Variants in HP1BP3 observed in about 807,000 individuals in gnomAD.
The protein encoded by HP1BP3 is heterochromatin protein 1 binding protein 3, also known as heterochromatin protein 1-binding protein 3.
Under a neutral mutation model 62.5 loss-of-function variants are expected in HP1BP3, and 12 were observed. The ratio of observed to expected loss-of-function variants is 0.19; its 90% CI spans 0.12 to 0.31. HP1BP3 has a LOEUF of 0.31. Ranked by LOEUF, HP1BP3 falls within the 10% of genes least tolerant of loss-of-function variation. The probability of loss-of-function intolerance (pLI) is 1.00; values close to 1 mark genes in which losing one functional copy is unlikely to be tolerated. For missense variants in HP1BP3, 502 were observed against 651.8 expected, an observed-to-expected ratio of 0.77 and a Z score of 2.50; for synonymous variants, 260 against 237.8, an observed-to-expected ratio of 1.09 and a Z score of -0.86.
At chr1:20,778,642 GC>G (rs201275136) in intron 3 of HP1BP3, among the ~76,000 whole-genome samples, 5,410 of 152,220 alleles carry the variant, frequency 0.036, 307 homozygotes, top group African/African-American at 0.12. Context: ...TTTCTTAACT[GC>G]CTTAGGCCAG....
At chr1:20,761,247 A>G (rs1016799101) in intron 8 of HP1BP3, among the ~76,000 whole-genome samples, 6 of 152,046 alleles carry the variant, frequency 3.9e-5, no homozygotes, top group African/African-American at 1.4e-4. Flanking sequence ...GGGTTTCACC[A>G]TGTTGGCCAG....
rs1182667059 is a variant in HP1BP3 at position 20,765,235 on chromosome 1, C to A, written c.890+142G>T. ...ATATGAAAATAAAAACATAATGGGGCAAAAAAATAAAACCAATAAAAAAGA... is the reference window on the plus strand; with the variant it reads ...ATATGAAAATAAAAACATAATGGGGAAAAAAAATAAAACCAATAAAAAAGA... On this transcript the variant is annotated intron_variant, in intron 8 of 12. Coordinates refer to ENST00000438032, the MANE Select transcript of HP1BP3 (RefSeq NM_001372052.1). The A allele has an allele frequency of 1.1e-5, 5 of 446,000 alleles. No individual in the cohort carries two copies. The East Asian group carries it at 1.5e-4, about 13-fold the overall frequency. 27.6% of individuals were successfully genotyped at this position (446,000 alleles called of 1,614,324 possible).
At chr1:20,776,401 T>C (rs1461735855) in intron 4 of HP1BP3, 196 bp downstream of exon 4, 24 of 510,030 alleles carry the variant, frequency 4.7e-5, no homozygotes, top group Non-Finnish European at 7.8e-5. Context: ...CAAACCATTG[T>C]GTTCTGCTAA....
At chr1:20,754,843 T>C (rs1454417391) in intron 9 of HP1BP3, among the ~76,000 whole-genome samples, 2 of 152,208 alleles carry the variant, frequency 1.3e-5, no homozygotes, top group Non-Finnish European at 2.9e-5. Flanking sequence ...GACCTAAATG[T>C]AGGAGCCAAA....
chr1:20,776,195 T>C (rs1480168145), intron 4 of HP1BP3: 8 of 510,968 alleles, frequency 1.6e-5, no homozygotes, highest in Non-Finnish European at 2.6e-5. Flanking sequence ...CCTTCTAACA[T>C]AAGCACACAA....
chr1:20,785,493 CG>C (rs1456044959), intron 1 of HP1BP3, among the ~76,000 whole-genome samples: 3 of 152,202 alleles, frequency 2.0e-5, no homozygotes, highest in Non-Finnish European at 4.4e-5. Flanking sequence ...TCAGATTTAA[CG>C]AGTCATGTCA....
intron 5 of HP1BP3, 92 bp from the exon 6 acceptor site, chr1:20,771,165 T>C (rs1383210232): frequency 1.3e-5 from 14 of 1,084,644 alleles, no homozygotes; most frequent in Non-Finnish European, 1.7e-5. Flanking sequence ...GTGAATTTGA[T>C]GATAGATGAC....
intron 9 of HP1BP3, among the ~76,000 whole-genome samples, chr1:20,751,409 A>G (rs1388952903): frequency 6.6e-6 from 1 of 152,054 alleles, no homozygotes; most frequent in Non-Finnish European, 1.5e-5. Flanking sequence ...TGAGGAAAAT[A>G]GCAGTGAAAA....
At chr1:20,781,778 C>T (rs1345758955) in intron 1 of HP1BP3, among the ~76,000 whole-genome samples, 1 of 152,156 alleles carries the variant, frequency 6.6e-6, no homozygotes, top group Non-Finnish European at 1.5e-5. Flanking sequence ...AGGCATGCGC[C>T]ACCATGCCCA....
rs2055182662 is a variant in HP1BP3, at chr1:20,744,356, CT to C, written c.*440del. 6.5e-6 allele frequency: 1 copy of C among 154,714 alleles called. No homozygotes were observed. Among genetic ancestry groups the C allele is most frequent in the Non-Finnish European group, 1.4e-5 (1 of 69,734 alleles). The allele number at this position is 154,714 out of a possible 1,614,324, so 9.6% of individuals were successfully genotyped here. On this transcript the variant is annotated 3_prime_UTR_variant, in exon 13 of 13. Coordinates refer to ENST00000438032, the MANE Select transcript of HP1BP3 (RefSeq NM_001372052.1). ...ATAACTGAAGTCTCCAGGCAGGAGG[CT>C]TTACAACTCAGTCAGTGCTATATTG... is the stretch of plus-strand genomic sequence containing the variant.
chr1:20,780,494 A>G lies in HP1BP3; in HGVS notation c.-54T>C. 7.9e-7 allele frequency: 1 copy of G among 1,266,912 alleles called. No homozygotes were observed. The highest frequency in any genetic ancestry group is 1.2e-6 in the Non-Finnish European group (1 of 865,710). The allele number at this position is 1,266,912 out of a possible 1,614,324, so 78.5% of individuals were successfully genotyped here. On this transcript the variant is annotated 5_prime_UTR_variant, in exon 2 of 13. Transcript: ENST00000438032. The stretch of plus-strand genomic sequence containing the variant: ...GTTACACTCTGAAGCCTCTGCTGTT[A>G]ACCACAAGGATTTTTCCTAATGGTT...
chr1:20,782,770 C>T (rs759263032), intron 1 of HP1BP3, among the ~76,000 whole-genome samples: 31 of 151,060 alleles, frequency 2.1e-4, no homozygotes, highest in Non-Finnish European at 4.0e-4. Flanking sequence ...TGTGGTGGTG[C>T]GCGCCTGTAA....
chr1:20,746,231 T>TGTGTGTGTGTG (rs1160020453), intron 11 of HP1BP3, among the ~76,000 whole-genome samples: 1 of 150,502 alleles, frequency 6.6e-6, no homozygotes, highest in African/African-American at 2.5e-5. Context: ...TGTGTGTTTC[T>TGTGTGTGTGTG]TGCCTTTTTC....
At chr1:20,764,202 G>A (rs1199796824) in intron 8 of HP1BP3, among the ~76,000 whole-genome samples, 1 of 151,834 alleles carries the variant, frequency 6.6e-6, no homozygotes, top group Non-Finnish European at 1.5e-5. Flanking sequence ...CAACCCTGAA[G>A]CTTTCTATCC....
chr1:20,740,331 G>GA lies in HP1BP3; in HGVS notation c.*4465dup, dbSNP rs138907764. Among the ~76,000 whole-genome samples, 3,382 of 151,958 alleles carry GA rather than the reference G, an allele frequency of 0.022. 118 individuals are homozygous for GA. The highest frequency in any genetic ancestry group is 0.076 in the African/African-American group (3,138 of 41,446). ...AATTATACATTATATACAATATCAG[G>GA]AAAAAAAAGAGTTGTAATTTTTGAG... On this transcript the variant is annotated 3_prime_UTR_variant, in exon 13 of 13. Transcript: ENST00000438032.
At chr1:20,748,863 T>C (rs372662303) in intron 10 of HP1BP3, among the ~76,000 whole-genome samples, 6 of 152,298 alleles carry the variant, frequency 3.9e-5, no homozygotes, top group South Asian at 2.1e-4. Flanking sequence ...CCCTACAACA[T>C]TGTGCCTCTT....
In HP1BP3 at chr1:20,740,758, C is replaced by T. The variant is rs2055059113; in HGVS notation, c.*4039G>A. ...GCTTGAGCACACGAGTTCAAAGCTG[C>T]AGTGAGCCAAGATCACACCACTGCG... On this transcript the variant is annotated 3_prime_UTR_variant, in exon 13 of 13. Transcript: ENST00000438032. 6.6e-6 allele frequency among the ~76,000 whole-genome samples: 1 copy of T among 152,184 alleles called. No individual in the cohort carries two copies. Among genetic ancestry groups the T allele is most frequent in the African/African-American group, 2.4e-5 (1 of 41,448 alleles).
chr1:20,764,964 T>A (rs111539799), intron 8 of HP1BP3, among the ~76,000 whole-genome samples: 124 of 151,248 alleles, frequency 8.2e-4, no homozygotes, highest in African/African-American at 2.9e-3. Context: ...AGTTCAAGAG[T>A]TCGAGACCAG....
chr1:20,768,868 C>G (rs900621450), intron 6 of HP1BP3, among the ~76,000 whole-genome samples: 3 of 152,142 alleles, frequency 2.0e-5, no homozygotes, highest in African/African-American at 7.2e-5. Context: ...TCCTCCACAG[C>G]TTAGTTTTAC....
Sources: allele counts gnomAD v4.1 joint callset (sites outside exome capture counted in the v4.1 genomes callset), GRCh38; gene constraint gnomAD v4.1.1; transcripts MANE v1.5; gene names NCBI Gene and HGNC (gene_info 2026-07-23, HGNC 2026-07-21).